Variants in TMEM132D observed in about 807,000 individuals in gnomAD.
TMEM132D encodes the protein transmembrane protein 132D.
Under a neutral mutation model 62.3 loss-of-function variants are expected in TMEM132D, and 21 were observed. That is an observed-to-expected ratio of 0.34 (90% CI 0.24 to 0.49). The LOEUF (loss-of-function observed/expected upper bound fraction) is 0.49, where lower values mean the gene tolerates loss of function less well. Among genes scored for constraint, TMEM132D ranks in the 20% least tolerant of loss-of-function variants. The pLI is 0.99. For synonymous variants in TMEM132D, 621 were observed against 575.6 expected, an observed-to-expected ratio of 1.08 and a Z score of -1.13; for missense variants, 1,346 against 1,402.8, an observed-to-expected ratio of 0.96 and a Z score of 0.65.
At chr12:129,447,140 G>C (rs773798485) in intron 3 of TMEM132D, among the ~76,000 whole-genome samples, 4 of 152,108 alleles carry the variant, frequency 2.6e-5, no homozygotes, top group Non-Finnish European at 5.9e-5. Flanking sequence ...AAAGTGACTT[G>C]GTGGAGTAGA....
chr12:129,219,502 C>T (rs147631557), intron 4 of TMEM132D, among the ~76,000 whole-genome samples: 5 of 152,260 alleles, frequency 3.3e-5, no homozygotes, highest in Non-Finnish European at 7.4e-5. Context: ...GCCAAGAGGG[C>T]GTATAAGGGC....
At chr12:129,453,633 A>G (rs1873372957) in intron 3 of TMEM132D, among the ~76,000 whole-genome samples, 1 of 152,208 alleles carries the variant, frequency 6.6e-6, no homozygotes, top group Admixed American at 6.5e-5. Flanking sequence ...CCTGTGCACG[A>G]ACGCTGACTG....
chr12:129,772,559 C>T (rs1396379519), intron 1 of TMEM132D, among the ~76,000 whole-genome samples: 1 of 152,146 alleles, frequency 6.6e-6, no homozygotes, highest in African/African-American at 2.4e-5. Flanking sequence ...AGTCATAAAT[C>T]CCGTGGCATG....
intron 1 of TMEM132D, among the ~76,000 whole-genome samples, chr12:129,790,570 C>T (rs954579126): frequency 6.6e-6 from 1 of 152,116 alleles, no homozygotes; most frequent in Non-Finnish European, 1.5e-5. Context: ...AGCTGCTTCT[C>T]CTCTTCTCCT....
chr12:129,540,710 C>T (rs1876561307), intron 2 of TMEM132D, among the ~76,000 whole-genome samples: 1 of 152,128 alleles, frequency 6.6e-6, no homozygotes, highest in Admixed American at 6.5e-5. Flanking sequence ...TGGTCTCGAA[C>T]TCCTGGCCTC....
chr12:129,407,621 T>A (rs3923420), intron 3 of TMEM132D, among the ~76,000 whole-genome samples: 17,762 of 152,052 alleles, frequency 0.12, 1,499 homozygotes, highest in East Asian at 0.39. Flanking sequence ...AATCAGCTAA[T>A]TTTGGCCGGG....
intron 3 of TMEM132D, among the ~76,000 whole-genome samples, chr12:129,406,830 A>G (rs1273307198): frequency 1.3e-5 from 2 of 152,182 alleles, no homozygotes; most frequent in East Asian, 3.9e-4. Context: ...CGGCTATCCT[A>G]TAGCCTGTAC....
At chr12:129,424,516 T>C (rs537766675) in intron 3 of TMEM132D, among the ~76,000 whole-genome samples, 12 of 152,100 alleles carry the variant, frequency 7.9e-5, no homozygotes, top group Admixed American at 6.5e-4. Context: ...CTGGCCAACA[T>C]GGTGAAACCC....
chr12:129,261,150 T>C (rs553987958), intron 4 of TMEM132D, among the ~76,000 whole-genome samples: 1 of 151,982 alleles, frequency 6.6e-6, no homozygotes, highest in South Asian at 2.1e-4. Context: ...GGGTTCTAAG[T>C]GAGATTTTTT....
chr12:129,832,035 C>CTTTTTTTTTTTTTTTTTTT, intron 1 of TMEM132D, among the ~76,000 whole-genome samples: 1 of 94,150 alleles, frequency 1.1e-5, no homozygotes, highest in Non-Finnish European at 1.9e-5. Context: ...ATGCCCGGCT[C>CTTTTTTTTTTTTTTTTTTT]TTTTTTTTTT....
chr12:129,505,585 T>C (rs1875306497), intron 3 of TMEM132D, among the ~76,000 whole-genome samples: 1 of 152,142 alleles, frequency 6.6e-6, no homozygotes, highest in Non-Finnish European at 1.5e-5. Flanking sequence ...TTTGTTGACT[T>C]TCTGTCTTGA....
intron 1 of TMEM132D, among the ~76,000 whole-genome samples, chr12:129,868,127 T>C (rs1026496931): frequency 6.8e-6 from 1 of 146,810 alleles, no homozygotes. Flanking sequence ...GGTACACACA[T>C]GTGACAGCAT....
chr12:129,621,750 A>C (rs940722946), intron 2 of TMEM132D, among the ~76,000 whole-genome samples: 4 of 152,202 alleles, frequency 2.6e-5, no homozygotes, highest in Non-Finnish European at 5.9e-5. Flanking sequence ...TATCTCCAAC[A>C]AAGAGTCTGA....
At chr12:129,210,622 T>G (rs1045812149) in intron 4 of TMEM132D, among the ~76,000 whole-genome samples, 1 of 152,240 alleles carries the variant, frequency 6.6e-6, no homozygotes, top group East Asian at 1.9e-4. Flanking sequence ...GCTGTTTTAC[T>G]TTTACTTATA....
chr12:129,400,995 G>T (rs1018142081), intron 3 of TMEM132D, among the ~76,000 whole-genome samples: 1 of 151,944 alleles, frequency 6.6e-6, no homozygotes, highest in Non-Finnish European at 1.5e-5. Flanking sequence ...CTGGAGTGAG[G>T]GGCTGTGAGA....
rs1167342027 is a variant in TMEM132D at position 129,337,711 on chromosome 12, C to T, written c.1222G>A (p.Glu408Lys). ...LVTWQVEYPG[E>K]ITSDLGVSKI... Reference sequence around the variant, plus strand: ...GACACTCCCAAGTCAGACGTGATCTCTCCGGGGTACTCGACCTGCCACGTG... The same window carrying T: ...GACACTCCCAAGTCAGACGTGATCTTTCCGGGGTACTCGACCTGCCACGTG... The change falls in exon 4 of 9, where the codon GAG (glutamate) becomes AAG (lysine). Residue 408 changes from glutamate (E) to lysine (K), a missense_variant. By Grantham distance (56) the Glu-to-Lys change is moderately conservative (BLOSUM62 1). Transcript: ENST00000422113. 9 of 1,614,118 alleles carry T rather than the reference C, an allele frequency of 5.6e-6. No individual in the cohort carries two copies. The Admixed American group carries it at 1.5e-4, about 27-fold the overall frequency.
chr12:129,154,795 C>T (rs1427754134), intron 5 of TMEM132D, among the ~76,000 whole-genome samples: 2 of 152,122 alleles, frequency 1.3e-5, no homozygotes, highest in African/African-American at 4.8e-5. Context: ...TGTTGGTTCT[C>T]ACAGTTCTAG....
chr12:129,209,763 ACTGG>A (rs1429995930), intron 4 of TMEM132D, 100 bp from the exon 5 acceptor site: 14 of 1,508,938 alleles, frequency 9.3e-6, no homozygotes, highest in Admixed American at 1.8e-5. Context: ...TGCAAACAGC[ACTGG>A]CCTCTTCTGC....
At chr12:129,213,445 C>T (rs532379707) in intron 4 of TMEM132D, among the ~76,000 whole-genome samples, 4 of 152,238 alleles carry the variant, frequency 2.6e-5, no homozygotes, top group Admixed American at 2.0e-4. Context: ...TGCAGTGAGT[C>T]GTGATTGTGC....
Sources: gnomAD v4.1 joint callset for allele counts (sites outside exome capture counted in the v4.1 genomes callset) on GRCh38, gnomAD v4.1.1 for gene constraint, MANE v1.5 for transcripts, NCBI Gene and HGNC (gene_info 2026-07-23, HGNC 2026-07-21) for gene names.